Variants in RAB11FIP4 observed in about 807,000 individuals in gnomAD.
RAB11FIP4 encodes RAB11 family interacting protein 4, also known as rab11 family-interacting protein 4.
Under a neutral mutation model 74.3 loss-of-function variants are expected in RAB11FIP4, and 23 were observed. The observed-to-expected ratio is 0.31, with a 90% CI of 0.22 to 0.44. The LOEUF is 0.44. Ranked by LOEUF, RAB11FIP4 falls within the 20% of genes least tolerant of loss-of-function variation. The probability of loss-of-function intolerance (pLI) is 1.00; values close to 1 mark genes in which losing one functional copy is unlikely to be tolerated. For synonymous variants in RAB11FIP4, 360 were observed against 359.9 expected, an observed-to-expected ratio of 1.00 and a Z score of 0.00; for missense variants, 630 against 863.9, an observed-to-expected ratio of 0.73 and a Z score of 3.39.
At position 31,391,980 on chromosome 17, in the gene RAB11FIP4, C is replaced by T; in HGVS notation, c.128C>T (p.Ala43Val). The T allele has an allele frequency of 7.4e-7, 1 of 1,359,084 alleles. No homozygotes were observed. Among genetic ancestry groups the T allele is most frequent in the Non-Finnish European group, 9.5e-7 (1 of 1,054,276 alleles). 84.2% of individuals were successfully genotyped at this position (1,359,084 alleles called of 1,614,324 possible). ...TTCCTGCGCGTGGAGCGCGTCGCGG[C>T]GCTCGGACTGCGCTTCGGCCAGGGC... ...DGFLRVERVA[A>V]LGLRFGQGEE... Residue 43 changes from alanine (A) to valine (V), a missense_variant, in exon 1 of 15, where the codon GCG becomes GTG. By Grantham distance (64) the Ala-to-Val change is moderately conservative. Transcript: ENST00000621161.
At position 31,462,722 on chromosome 17, in the gene RAB11FIP4, C is replaced by T. The variant is rs1424676934; in HGVS notation, c.336+28600C>T. ...TGTGATTTTGGCTCACTGCAACCTC[C>T]GCCTCCTGGGTTCAAGTGATTCTCC... On this transcript the variant is annotated intron_variant, in intron 3 of 14. Transcript: ENST00000621161. Among the ~76,000 whole-genome samples the T allele has an allele frequency of 3.9e-5, 6 of 152,072 alleles. No homozygotes were observed. The South Asian group carries it at 6.2e-4, about 16-fold the overall frequency.
At chr17:31,401,238 C>G (rs2070982819) in intron 1 of RAB11FIP4, among the ~76,000 whole-genome samples, 1 of 151,626 alleles carries the variant, frequency 6.6e-6, no homozygotes, top group Non-Finnish European at 1.5e-5. Context: ...CGCCACTGCA[C>G]TCCAGCCTGG....
rs1415966700 is a variant in RAB11FIP4 at position 31,401,925 on chromosome 17, G to A, written c.159+9914G>A. ...AACGAGCTGAAATCTATCTCCTAGA[G>A]TTCCATCTGCTCACACTTCCTCCAC... On this transcript the variant is annotated intron_variant, in intron 1 of 14. Coordinates refer to ENST00000621161, the MANE Select transcript of RAB11FIP4 (RefSeq NM_032932.6). 2.0e-5 allele frequency among the ~76,000 whole-genome samples: 3 copies of A among 152,112 alleles called. No individual in the cohort carries two copies. The East Asian group carries it at 5.8e-4, about 29-fold the overall frequency.
At chr17:31,488,225 C>T in intron 3 of RAB11FIP4, 1 of 1,139,788 alleles carries the variant, frequency 8.8e-7, no homozygotes, top group Non-Finnish European at 1.1e-6. Context: ...CGCGCCTCTG[C>T]CGGGGAGCGG....
chr17:31,415,276 T>A (rs1458418892), intron 1 of RAB11FIP4, among the ~76,000 whole-genome samples: 7 of 152,202 alleles, frequency 4.6e-5, no homozygotes, highest in African/African-American at 1.7e-4. Flanking sequence ...GGGGGCGCTC[T>A]ACGTGGACAA....
At chr17:31,530,897 A>G (rs2072860013) in intron 14 of RAB11FIP4, 1 of 163,070 alleles carries the variant, frequency 6.1e-6, no homozygotes, top group African/African-American at 2.4e-5. Context: ...GAACAGCTCC[A>G]CATTCCAAGC....
intron 1 of RAB11FIP4, among the ~76,000 whole-genome samples, chr17:31,393,711 TC>T (rs984825147): frequency 1.3e-5 from 2 of 152,120 alleles, no homozygotes; most frequent in African/African-American, 4.8e-5. Flanking sequence ...CTTCTCTCCT[TC>T]CCAGCTCCAT....
intron 3 of RAB11FIP4, among the ~76,000 whole-genome samples, chr17:31,500,360 C>G (rs1303439649): frequency 6.6e-6 from 1 of 152,128 alleles, no homozygotes. Context: ...CAGTAGCGGC[C>G]CTCCTTCCCA....
At chr17:31,412,887 A>G (rs189691696) in intron 1 of RAB11FIP4, among the ~76,000 whole-genome samples, 2,312 of 152,272 alleles carry the variant, frequency 0.015, 56 homozygotes, top group African/African-American at 0.052. Context: ...CACAGGCAAA[A>G]AAACTGAGGC....
intron 3 of RAB11FIP4, among the ~76,000 whole-genome samples, chr17:31,450,234 C>A (rs2071511488): frequency 6.6e-6 from 1 of 152,034 alleles, no homozygotes; most frequent in African/African-American, 2.4e-5. Flanking sequence ...GCCAACCTCT[C>A]CCTTCTCAGA....
chr17:31,529,888 G>A (rs186003295), intron 13 of RAB11FIP4, among the ~76,000 whole-genome samples: 4 of 152,294 alleles, frequency 2.6e-5, no homozygotes, highest in East Asian at 1.9e-4. Flanking sequence ...GGATCTGGGC[G>A]GGTCCGCCTG....
At chr17:31,433,905 C>G in intron 2 of RAB11FIP4, 129 bp from the exon 3 acceptor site, 1 of 820,980 alleles carries the variant, frequency 1.2e-6, no homozygotes, top group Non-Finnish European at 2.0e-6. Flanking sequence ...CAGTGCTCAG[C>G]TGGCCTCCTG....
intron 3 of RAB11FIP4, among the ~76,000 whole-genome samples, chr17:31,462,954 A>T (rs2071647515): frequency 1.3e-5 from 2 of 152,036 alleles, no homozygotes; most frequent in Non-Finnish European, 2.9e-5. Flanking sequence ...TCTTCTTGAA[A>T]ATTCTCCCTC....
chr17:31,459,479 C>T (rs923765269), intron 3 of RAB11FIP4, among the ~76,000 whole-genome samples: 1 of 144,832 alleles, frequency 6.9e-6, no homozygotes, highest in Non-Finnish European at 1.5e-5. Context: ...TTCCGGTGAG[C>T]GTTTTATTAT....
chr17:31,418,587 C>T (rs6505240), intron 1 of RAB11FIP4, among the ~76,000 whole-genome samples: 126,412 of 151,108 alleles, frequency 0.84, 53,027 homozygotes, highest in Admixed American at 0.9. Context: ...CCTCAGCCTC[C>T]GAAGTAGCTG....
intron 3 of RAB11FIP4, among the ~76,000 whole-genome samples, chr17:31,516,614 CAT>C (rs2072553373): frequency 6.6e-6 from 1 of 152,234 alleles, no homozygotes; most frequent in Non-Finnish European, 1.5e-5. Flanking sequence ...GGACTACAGG[CAT>C]GCGCCACCTC....
chr17:31,482,700 C>T (rs1458011864), intron 3 of RAB11FIP4, among the ~76,000 whole-genome samples: 1 of 152,188 alleles, frequency 6.6e-6, no homozygotes, highest in African/African-American at 2.4e-5. Flanking sequence ...GTAGTCCCTT[C>T]CCTAAGCCAC....
intron 3 of RAB11FIP4, among the ~76,000 whole-genome samples, chr17:31,451,987 T>C (rs568103528): frequency 1.3e-5 from 2 of 152,278 alleles, no homozygotes; most frequent in East Asian, 3.9e-4. Context: ...CAAATCAGGG[T>C]AACTGGGATA....
intron 1 of RAB11FIP4, among the ~76,000 whole-genome samples, chr17:31,418,490 G>T (rs1470104656): frequency 7.3e-6 from 1 of 137,554 alleles, no homozygotes. Flanking sequence ...TTGAGACAGG[G>T]TCTCACTGTG....
Sources: allele counts gnomAD v4.1 joint callset (sites outside exome capture counted in the v4.1 genomes callset), GRCh38; gene constraint gnomAD v4.1.1; transcripts MANE v1.5; gene names NCBI Gene and HGNC (gene_info 2026-07-23, HGNC 2026-07-21).